LRIF1: variants seen among roughly 807,000 people sequenced by gnomAD.
LRIF1 encodes the protein ligand dependent nuclear receptor interacting factor 1.
In LRIF1, 32 loss-of-function variants were observed where a neutral mutation model predicts 52.7. The ratio of observed to expected loss-of-function variants is 0.61; its 90% CI spans 0.46 to 0.82. The LOEUF is 0.82. Among genes scored for constraint, LRIF1 ranks in the 40% least tolerant of loss-of-function variants. LRIF1 has a pLI of 0.00. For synonymous variants in LRIF1, 323 were observed against 317.4 expected (o/e 1.02, Z -0.19); for missense variants, 887 against 892.0 (o/e 0.99, Z 0.07).
the LRIF1 span, among the ~76,000 whole-genome samples, chr1:110,883,993 AAATTGTTCTTCTGTTT>A: frequency 6.6e-6 from 1 of 151,876 alleles, no homozygotes; most frequent in South Asian, 2.1e-4. Flanking sequence ...GGGGTTTTTA[AAATTGTTCTTCTGTTT>A]AATTGATTTC....
At chr1:110,953,239 C>T (rs1004622659) in intron 1 of LRIF1, among the ~76,000 whole-genome samples, 6 of 152,132 alleles carry the variant, frequency 3.9e-5, no homozygotes, top group Non-Finnish European at 7.3e-5. Flanking sequence ...TCTTTTCCCC[C>T]TCAATCTGTT....
chr1:110,900,706 A>G, the LRIF1 span, among the ~76,000 whole-genome samples: 7 of 150,652 alleles, frequency 4.6e-5, no homozygotes, highest in Admixed American at 4.0e-4. Flanking sequence ...CAGTTCTGCC[A>G]TACACTGTTT....
In LRIF1 at chr1:110,952,424, G is replaced by C; in HGVS notation, c.460C>G (p.Pro154Ala). ...GLTMQTFAVP[P>A]STQKDSSFIV... is the part of the protein sequence containing the mutation. ...AAAGATGAGTCTTTTTGTGTTGAGG[G>C]AGGAACAGCAAATGTTTGCATGGTG... Residue 154 changes from proline (P) to alanine (A), a missense_variant, in exon 2 of 4, where the codon CCC (proline) becomes GCC (alanine). Pro to Ala is a conservative substitution (Grantham distance 27). Transcript: ENST00000369763. 1 of 1,612,352 alleles carries C rather than the reference G, an allele frequency of 6.2e-7. No individual in the cohort carries two copies. The highest frequency in any genetic ancestry group is 8.5e-7 in the Non-Finnish European group (1 of 1,178,458).
chr1:110,941,356 GGGTGTATTTT>G, the LRIF1 span: 2 of 151,876 alleles, frequency 1.3e-5, no homozygotes, highest in Non-Finnish European at 2.9e-5. Context: ...CAACATTACA[GGGTGTATTTT>G]GGCCTACCTC....
the LRIF1 span, among the ~76,000 whole-genome samples, chr1:110,928,116 A>G: frequency 6.6e-6 from 1 of 152,146 alleles, no homozygotes; most frequent in African/African-American, 2.4e-5. Context: ...TTGGCGGAGT[A>G]GGTCTGAATA....
the LRIF1 span, chr1:110,895,116 TG>T: frequency 4.1e-6 from 5 of 1,209,734 alleles, no homozygotes; most frequent in Non-Finnish European, 6.2e-6. Flanking sequence ...CCTAAATCCT[TG>T]GGGGCTAGTT....
At chr1:110,885,967 T>C in the LRIF1 span, among the ~76,000 whole-genome samples, 1 of 152,234 alleles carries the variant, frequency 6.6e-6, no homozygotes, top group African/African-American at 2.4e-5. Context: ...TTTGTTCCTT[T>C]GTGTAAATCT....
the LRIF1 span, among the ~76,000 whole-genome samples, chr1:110,891,847 C>A: frequency 2.6e-5 from 4 of 151,980 alleles, no homozygotes; most frequent in Non-Finnish European, 5.9e-5. Flanking sequence ...GGAAAGTCAC[C>A]CTTTCCAGGG....
chr1:110,945,448 CG>C (rs2101099276), downstream of LRIF1, among the ~76,000 whole-genome samples: 1 of 140,846 alleles, frequency 7.1e-6, no homozygotes, highest in African/African-American at 2.6e-5. Context: ...TCCTTTGAGA[CG>C]GAGTCTCATT....
the LRIF1 span, among the ~76,000 whole-genome samples, chr1:110,906,154 G>A: frequency 6.6e-6 from 1 of 152,072 alleles, no homozygotes; most frequent in Admixed American, 6.6e-5. Flanking sequence ...AACATTTACA[G>A]ATAAACTGTA....
At chr1:110,878,880 C>T in the LRIF1 span, among the ~76,000 whole-genome samples, 4 of 152,260 alleles carry the variant, frequency 2.6e-5, no homozygotes, top group Middle Eastern at 3.4e-3. Flanking sequence ...CTATTAAACG[C>T]TTTTCTTCAC....
intron 1 of LRIF1, among the ~76,000 whole-genome samples, chr1:110,957,301 CA>C (rs35011841): frequency 0.097 from 7,967 of 81,874 alleles, 337 homozygotes; most frequent in African/African-American, 0.18. Context: ...ACTAAAAATA[CA>C]AAAAAAAAAA....
downstream of LRIF1, chr1:110,942,329 A>G (rs1570934461): frequency 2.0e-5 from 3 of 152,278 alleles, no homozygotes; most frequent in South Asian, 6.2e-4. Flanking sequence ...GCATACGCCT[A>G]GTTTCAAGTG....
chr1:110,951,425 T>C lies in LRIF1; in HGVS notation c.1459A>G (p.Asn487Asp), dbSNP rs1557838819. 3.1e-6 allele frequency: 5 copies of C among 1,614,028 alleles called. No individual in the cohort carries two copies. The highest frequency in any genetic ancestry group is 1.1e-5 in the South Asian group (1 of 91,084). The change falls in exon 2 of 4, where the codon AAT becomes GAT. Residue 487 changes from asparagine to aspartate, a missense_variant. By Grantham distance (23) the Asn-to-Asp change is conservative. Transcript: ENST00000369763. ...ACGGCTGTTACTTTTCTGGGGGCAT[T>C]GTGTCCTGTACTAAATCCAACTGGA... ...IFPVGFSTGHNAPRKVTAVIY... is the reference protein window; with the variant it reads ...IFPVGFSTGHDAPRKVTAVIY...
At chr1:110,920,768 G>T in the LRIF1 span, among the ~76,000 whole-genome samples, 1 of 152,106 alleles carries the variant, frequency 6.6e-6, no homozygotes, top group East Asian at 1.9e-4. Context: ...TGGAAGAAGC[G>T]GTACATGCGG....
rs187245349 is a variant in LRIF1, at chr1:110,947,223, A to G, written c.*736T>C. On this transcript the variant is annotated 3_prime_UTR_variant, in exon 4 of 4. Transcript: ENST00000369763. ...TACAGTTTAAGAAATATTAAATGTG[A>G]TAACTGTTCAGGATCTACTTTTTAC... The G allele has an allele frequency of 6.6e-5, 10 of 152,262 alleles. No homozygotes were observed. Among genetic ancestry groups the G allele is most frequent in the East Asian group, 3.9e-4 (2 of 5,184 alleles). 9.4% of individuals were successfully genotyped at this position (152,262 alleles called of 1,614,324 possible).
At chr1:110,960,339 CACAG>C (rs774079735) in intron 1 of LRIF1, among the ~76,000 whole-genome samples, 44 of 152,282 alleles carry the variant, frequency 2.9e-4, no homozygotes, top group East Asian at 2.7e-3. Flanking sequence ...CTCACACACA[CACAG>C]ACACACTCAA....
chr1:110,935,940 T>G, the LRIF1 span, among the ~76,000 whole-genome samples: 1 of 151,638 alleles, frequency 6.6e-6, no homozygotes, highest in East Asian at 1.9e-4. Flanking sequence ...GAAATATTTC[T>G]AAAAGCAGCA....
At chr1:110,892,471 A>G in the LRIF1 span, 6 of 1,613,938 alleles carry the variant, frequency 3.7e-6, no homozygotes, top group East Asian at 1.3e-4. Context: ...CTCTATTATC[A>G]TGGTAGTTGC....
Sources: allele counts gnomAD v4.1 joint callset (sites outside exome capture counted in the v4.1 genomes callset), GRCh38; gene constraint gnomAD v4.1.1; transcripts MANE v1.5; gene names NCBI Gene and HGNC (gene_info 2026-07-23, HGNC 2026-07-21).